The following CNTNAP2 variants were observed in gnomAD, a reference collection of about 807,000 sequenced individuals.
CNTNAP2 encodes the protein contactin-associated protein-like 2.
CNTNAP2 carries 98 observed loss-of-function variants against 155.2 expected under a neutral mutation model. The ratio of observed to expected loss-of-function variants is 0.63; its 90% CI spans 0.54 to 0.75. CNTNAP2 has a LOEUF of 0.75. CNTNAP2 is among the 30% of genes least tolerant of loss of function. The pLI is 0.00. For missense variants in CNTNAP2, 1,727 were observed against 1,688.1 expected (o/e 1.02, Z -0.40); for synonymous variants, 651 against 631.2 (o/e 1.03, Z -0.47).
chr7:147,302,092 G>A (rs927969485), intron 9 of CNTNAP2, among the ~76,000 whole-genome samples: 1 of 152,152 alleles, frequency 6.6e-6, no homozygotes, highest in Non-Finnish European at 1.5e-5. Flanking sequence ...TGAATGAACT[G>A]GACATACTGA....
chr7:146,732,872 C>T (rs1253107022), intron 1 of CNTNAP2, among the ~76,000 whole-genome samples: 2 of 152,026 alleles, frequency 1.3e-5, no homozygotes, highest in Non-Finnish European at 2.9e-5. Flanking sequence ...TATTGTATTG[C>T]TATTTGCATT....
chr7:147,855,895 A>G (rs1799027495), intron 13 of CNTNAP2, among the ~76,000 whole-genome samples: 1 of 152,114 alleles, frequency 6.6e-6, no homozygotes, highest in Non-Finnish European at 1.5e-5. Flanking sequence ...GTCGATTTGA[A>G]CACCTATTTT....
At chr7:147,982,311 A>AG (rs1268256419) in intron 15 of CNTNAP2, among the ~76,000 whole-genome samples, 1 of 151,780 alleles carries the variant, frequency 6.6e-6, no homozygotes, top group Non-Finnish European at 1.5e-5. Context: ...AGGTTTAAAA[A>AG]AAAATCAAAT....
intron 21 of CNTNAP2, among the ~76,000 whole-genome samples, chr7:148,294,498 A>G (rs563976687): frequency 5.1e-4 from 77 of 152,330 alleles, no homozygotes; most frequent in African/African-American, 1.8e-3. Flanking sequence ...GTGCAAACCT[A>G]TAATCCTTCC....
At chr7:148,146,165 GA>G (rs148659240) in intron 16 of CNTNAP2, among the ~76,000 whole-genome samples, 1,718 of 150,600 alleles carry the variant, frequency 0.011, 31 homozygotes, top group African/African-American at 0.037. Context: ...ATTAGCCCAG[GA>G]AAAAAAAATG....
At chr7:146,162,032 A>T (rs1438068254) in intron 1 of CNTNAP2, among the ~76,000 whole-genome samples, 1 of 152,198 alleles carries the variant, frequency 6.6e-6, no homozygotes, top group Admixed American at 6.5e-5. Flanking sequence ...TAAAGACTTA[A>T]ATGTTAGACC....
chr7:146,633,470 G>T (rs1227801717), intron 1 of CNTNAP2, among the ~76,000 whole-genome samples: 1 of 152,070 alleles, frequency 6.6e-6, no homozygotes, highest in Non-Finnish European at 1.5e-5. Context: ...GATACCATAT[G>T]GCTTTGATGT....
At chr7:147,672,351 C>A (rs1795801629) in intron 13 of CNTNAP2, 1 of 152,010 alleles carries the variant, frequency 6.6e-6, no homozygotes, top group South Asian at 2.1e-4. Flanking sequence ...CATTTATGAC[C>A]CATTATCAGA....
chr7:148,331,646 A>G (rs1306799395), intron 21 of CNTNAP2, among the ~76,000 whole-genome samples: 20 of 149,588 alleles, frequency 1.3e-4, no homozygotes, highest in African/African-American at 3.7e-4. Context: ...GATGGATGGA[A>G]TGGACGGATG....
intron 1 of CNTNAP2, among the ~76,000 whole-genome samples, chr7:146,254,348 A>G (rs995612771): frequency 6.6e-6 from 1 of 152,374 alleles, no homozygotes. Context: ...TCAATAAAAT[A>G]ATGCATTTTA....
intron 12 of CNTNAP2, among the ~76,000 whole-genome samples, chr7:147,604,659 G>A (rs555838957): frequency 6.6e-6 from 1 of 152,138 alleles, no homozygotes; most frequent in Non-Finnish European, 1.5e-5. Flanking sequence ...TTTTAGAAGG[G>A]GAGATGCCAC....
intron 1 of CNTNAP2, among the ~76,000 whole-genome samples, chr7:146,708,057 G>C (rs1232303134): frequency 6.6e-6 from 1 of 152,078 alleles, no homozygotes; most frequent in Non-Finnish European, 1.5e-5. Flanking sequence ...CACACCTGAG[G>C]CCTGAGAAGT....
At chr7:146,365,312 G>A (rs942607765) in intron 1 of CNTNAP2, among the ~76,000 whole-genome samples, 2 of 152,116 alleles carry the variant, frequency 1.3e-5, no homozygotes, top group African/African-American at 4.8e-5. Flanking sequence ...GGGCCCACAG[G>A]ATTGAGCCCC....
chr7:146,966,018 T>TG (rs1447650796), intron 3 of CNTNAP2, among the ~76,000 whole-genome samples: 2 of 152,222 alleles, frequency 1.3e-5, no homozygotes, highest in Non-Finnish European at 2.9e-5. Context: ...TGGAAGTGGA[T>TG]GTCACCTTTG....
intron 1 of CNTNAP2, among the ~76,000 whole-genome samples, chr7:146,572,778 G>A (rs7804087): frequency 0.8 from 121,802 of 152,016 alleles, 49,305 homozygotes; most frequent in South Asian, 0.88. Flanking sequence ...CCAAGATATA[G>A]TACATTTGTT....
At chr7:146,908,242 C>T (rs1262815344) in intron 3 of CNTNAP2, among the ~76,000 whole-genome samples, 18 of 151,950 alleles carry the variant, frequency 1.2e-4, no homozygotes, top group African/African-American at 2.9e-4. Context: ...GACAGATCAA[C>T]GAGACAGAAA....
At position 147,303,654 on chromosome 7, in the gene CNTNAP2, C is replaced by T. The variant is rs554984375; in HGVS notation, c.1498+3364C>T. The stretch of plus-strand genomic sequence containing the variant: ...CCTGATTTTGAATATGGCTTTATCA[C>T]TTAATTAGTGGATCCTTTAATACTG... On this transcript the variant is annotated intron_variant, in intron 9 of 23. Coordinates refer to ENST00000361727, the MANE Select transcript of CNTNAP2 (RefSeq NM_014141.6). Among the ~76,000 whole-genome samples, 66 of 152,278 alleles carry T rather than the reference C, an allele frequency of 4.3e-4. 2 individuals are homozygous for T. The highest frequency in any genetic ancestry group is 3.1e-3 in the South Asian group (15 of 4,826).
intron 14 of CNTNAP2, among the ~76,000 whole-genome samples, chr7:147,926,733 G>T (rs544858168): frequency 2.6e-5 from 4 of 152,092 alleles, no homozygotes; most frequent in African/African-American, 9.6e-5. Flanking sequence ...ATTTTATAAA[G>T]GAAAATAGAA....
Position 146,622,265 on chromosome 7 carries a change from ATC to A in CNTNAP2, c.98-152004_98-152003del, listed in dbSNP as rs1563160534. Among the ~76,000 whole-genome samples, 863 of 146,812 alleles carry A rather than the reference ATC, an allele frequency of 5.9e-3. 7 individuals are homozygous for A. Among genetic ancestry groups the A allele is most frequent in the Middle Eastern group, 0.015 (4 of 270 alleles). On this transcript the variant is annotated intron_variant, in intron 1 of 23. Coordinates refer to ENST00000361727, the MANE Select transcript of CNTNAP2 (RefSeq NM_014141.6). ...TGTATATCTATCTATCTATCTATCT[ATC>A]TATCTATCTATCTATATATATATAT...
Sources: gnomAD v4.1 joint callset for allele counts (sites outside exome capture counted in the v4.1 genomes callset) on GRCh38, gnomAD v4.1.1 for gene constraint, MANE v1.5 for transcripts, NCBI Gene and HGNC (gene_info 2026-07-23, HGNC 2026-07-21) for gene names.